GIPC2: variants seen among roughly 807,000 people sequenced by gnomAD.
GIPC2 encodes the protein PDZ domain-containing protein GIPC2.
GIPC2 carries 30 observed loss-of-function variants against 30.6 expected under a neutral mutation model. That is an observed-to-expected ratio of 0.98 (90% CI 0.73 to 1.33). The LOEUF is 1.33. GIPC2 is among the 40% of genes most tolerant of loss of function. The probability of loss-of-function intolerance (pLI) is 0.00; values close to 1 mark genes in which losing one functional copy is unlikely to be tolerated. For synonymous variants in GIPC2, 167 were observed against 150.0 expected (o/e 1.11, Z -0.83); for missense variants, 414 against 390.3 (o/e 1.06, Z -0.51).
chr1:78,066,594 T>C (rs1202427249), intron 1 of GIPC2, among the ~76,000 whole-genome samples: 3 of 152,156 alleles, frequency 2.0e-5, no homozygotes, highest in South Asian at 4.1e-4. Flanking sequence ...TGTATGTTCA[T>C]TGCAGCACTA....
In GIPC2 at chr1:78,133,750, T is replaced by TTGTGTG. The variant is rs3057089; in HGVS notation, c.797-1808_797-1803dup. On this transcript the variant is annotated intron_variant, in intron 5 of 5. Transcript: ENST00000370759. Reference sequence around the variant, plus strand: ...CATTGGTTACACAAGGAAAAAAAAATTGTGTGTGTGTGTGTGTGTGTGTGT... The same window carrying TTGTGTG: ...CATTGGTTACACAAGGAAAAAAAAATTGTGTGTGTGTGTGTGTGTGTGTGTGTGTGT... Among the ~76,000 whole-genome samples, 195 of 145,998 alleles carry TTGTGTG rather than the reference T, an allele frequency of 1.3e-3. 2 individuals are homozygous for TTGTGTG. The highest frequency in any genetic ancestry group is 3.9e-3 in the East Asian group (19 of 4,884).
chr1:78,105,156 A>AT lies in GIPC2; in HGVS notation c.607+10032dup, dbSNP rs900969617. On this transcript the variant is annotated intron_variant, in intron 3 of 5. Coordinates refer to ENST00000370759, the MANE Select transcript of GIPC2 (RefSeq NM_017655.6). ...ACTCTAGTTGTAAACTTGCATTAAA[A>AT]TTTTTTTTATCGAATGCTCAGTTTT... is the stretch of plus-strand genomic sequence containing the variant. 1.3e-4 allele frequency among the ~76,000 whole-genome samples: 20 copies of AT among 152,158 alleles called. No homozygotes were observed. The East Asian group carries it at 2.7e-3, about 21-fold the overall frequency.
intron 5 of GIPC2, among the ~76,000 whole-genome samples, chr1:78,127,117 T>A (rs1035059367): frequency 6.6e-6 from 1 of 152,374 alleles, no homozygotes; most frequent in Non-Finnish European, 1.5e-5. Context: ...AGGTACTTTC[T>A]ACATTTTTTA....
intron 3 of GIPC2, among the ~76,000 whole-genome samples, chr1:78,108,371 TAACTA>T (rs1164622354): frequency 1.3e-5 from 2 of 152,194 alleles, no homozygotes; most frequent in African/African-American, 2.4e-5. Flanking sequence ...AATGACATCT[TAACTA>T]AAGAACAAGA....
intron 1 of GIPC2, among the ~76,000 whole-genome samples, chr1:78,073,293 G>A (rs921658675): frequency 2.6e-5 from 4 of 151,852 alleles, no homozygotes; most frequent in Middle Eastern, 3.2e-3. Flanking sequence ...TAGTAGAGAC[G>A]GGGTTTCACC....
chr1:78,126,146 C>T (rs967154125), intron 5 of GIPC2, among the ~76,000 whole-genome samples, 184 bp downstream of exon 5: 5 of 152,174 alleles, frequency 3.3e-5, no homozygotes, highest in African/African-American at 9.7e-5. Flanking sequence ...GCTATGAGGT[C>T]TTAGTGCCAA....
chr1:78,064,000 C>G (rs35988099), intron 1 of GIPC2, among the ~76,000 whole-genome samples: 4,306 of 151,928 alleles, frequency 0.028, 81 homozygotes, highest in Non-Finnish European at 0.046. Context: ...TTTGTAAATG[C>G]TCATAGAATT....
chr1:78,128,792 G>A (rs1203853016), intron 5 of GIPC2, among the ~76,000 whole-genome samples: 2 of 151,732 alleles, frequency 1.3e-5, no homozygotes, highest in Non-Finnish European at 2.9e-5. Flanking sequence ...GACCAGCCTG[G>A]GCAACATAGT....
intron 5 of GIPC2, among the ~76,000 whole-genome samples, chr1:78,126,208 A>G (rs1362637910): frequency 1.3e-5 from 2 of 152,244 alleles, no homozygotes; most frequent in Non-Finnish European, 1.5e-5. Context: ...TGTGACTACT[A>G]TCTCCTTTAG....
intron 3 of GIPC2, among the ~76,000 whole-genome samples, chr1:78,100,885 A>T (rs1389996517): frequency 2.0e-5 from 3 of 148,442 alleles, no homozygotes; most frequent in Non-Finnish European, 4.5e-5. Context: ...AGCTGAGATC[A>T]CGCCACTGCA....
intron 1 of GIPC2, among the ~76,000 whole-genome samples, chr1:78,049,225 G>A (rs1049082983): frequency 6.6e-6 from 1 of 152,126 alleles, no homozygotes; most frequent in East Asian, 1.9e-4. Flanking sequence ...GCAGTGGCAC[G>A]ATCTTGGCTG....
chr1:78,070,849 C>T (rs1335827178), intron 1 of GIPC2, among the ~76,000 whole-genome samples: 2 of 151,958 alleles, frequency 1.3e-5, no homozygotes, highest in African/African-American at 4.8e-5. Context: ...AAAAGTAGTT[C>T]TACTGGAGAA....
chr1:78,046,381 G>C (rs1021145130), intron 1 of GIPC2, 47 bp downstream of exon 1: 1 of 1,526,944 alleles, frequency 6.5e-7, no homozygotes, highest in South Asian at 1.2e-5. Flanking sequence ...GCCGCGCCGC[G>C]CCGCGCCGCG....
chr1:78,130,100 A>G (rs1371562583), intron 5 of GIPC2, among the ~76,000 whole-genome samples: 1 of 142,396 alleles, frequency 7.0e-6, no homozygotes, highest in Non-Finnish European at 1.5e-5. Flanking sequence ...TCTTCCTAGG[A>G]TCACTTTTTT....
At chr1:78,046,821 G>C (rs1319556467) in intron 1 of GIPC2, among the ~76,000 whole-genome samples, 2 of 29,896 alleles carry the variant, frequency 6.7e-5, no homozygotes, top group African/African-American at 1.9e-4. Flanking sequence ...GTGATACCCA[G>C]ATTAAGTGGG....
intron 3 of GIPC2, among the ~76,000 whole-genome samples, chr1:78,102,620 T>G (rs952811264): frequency 6.6e-6 from 1 of 152,216 alleles, no homozygotes; most frequent in African/African-American, 2.4e-5. Flanking sequence ...ATATGTGACA[T>G]TGGGTAAGTT....
intron 2 of GIPC2, chr1:78,091,890 C>T (rs528753039): frequency 1.3e-6 from 1 of 787,756 alleles, no homozygotes; most frequent in Non-Finnish European, 2.3e-6. Flanking sequence ...GTTGCTGATT[C>T]TGAAGCTACA....
chr1:78,075,447 C>A (rs1661700683), intron 1 of GIPC2, among the ~76,000 whole-genome samples: 1 of 152,136 alleles, frequency 6.6e-6, no homozygotes, highest in Admixed American at 6.5e-5. Context: ...CAGAGTGAGA[C>A]CCTGTCTCAA....
At chr1:78,083,402 C>T (rs561298848) in intron 2 of GIPC2, among the ~76,000 whole-genome samples, 3 of 152,274 alleles carry the variant, frequency 2.0e-5, no homozygotes, top group South Asian at 4.1e-4. Flanking sequence ...TGGTTTGTCT[C>T]ATTGTTTGTG....
Sources: allele counts gnomAD v4.1 joint callset (sites outside exome capture counted in the v4.1 genomes callset), GRCh38; gene constraint gnomAD v4.1.1; transcripts MANE v1.5; gene names NCBI Gene and HGNC (gene_info 2026-07-23, HGNC 2026-07-21).